The following LHFPL6 variants were observed in gnomAD, a reference collection of about 807,000 sequenced individuals.
The protein encoded by LHFPL6 is LHFPL tetraspan subfamily member 6.
A neutral mutation model predicts 20.6 loss-of-function variants in LHFPL6; 9 were observed. That is an observed-to-expected ratio of 0.44 (90% CI 0.26 to 0.76). The LOEUF (loss-of-function observed/expected upper bound fraction) is 0.76. LHFPL6 is among the 30% of genes least tolerant of loss of function. The pLI is 0.20. For synonymous variants in LHFPL6, 105 were observed against 98.7 expected (o/e 1.06, Z -0.38); for missense variants, 218 against 253.5 (o/e 0.86, Z 0.95).
At chr13:39,372,548 AAAGT>A (rs1366595829) in intron 3 of LHFPL6, among the ~76,000 whole-genome samples, 6 of 152,258 alleles carry the variant, frequency 3.9e-5, no homozygotes, top group African/African-American at 1.4e-4. Flanking sequence ...GCGTGATCCA[AAAGT>A]AAGCAGAGTA....
chr13:39,526,575 A>G (rs1445318661), intron 2 of LHFPL6, among the ~76,000 whole-genome samples: 1 of 152,358 alleles, frequency 6.6e-6, no homozygotes, highest in East Asian at 1.9e-4. Context: ...CCACCGGTCT[A>G]GTGCTCTGAT....
At chr13:39,520,642 C>T (rs965821115) in intron 2 of LHFPL6, among the ~76,000 whole-genome samples, 2 of 152,150 alleles carry the variant, frequency 1.3e-5, no homozygotes, top group Non-Finnish European at 2.9e-5. Context: ...GAGTCTTTGA[C>T]GCTGGTAGAG....
chr13:39,583,702 A>C (rs901287626), intron 2 of LHFPL6, among the ~76,000 whole-genome samples: 1 of 152,082 alleles, frequency 6.6e-6, no homozygotes, highest in African/African-American at 2.4e-5. Context: ...TAAATGAACA[A>C]ATTTCTCATG....
intron 2 of LHFPL6, among the ~76,000 whole-genome samples, chr13:39,557,747 T>C (rs1279527295): frequency 6.6e-6 from 1 of 152,250 alleles, no homozygotes; most frequent in Non-Finnish European, 1.5e-5. Context: ...TGTCGGATAG[T>C]AACACTTGAT....
chr13:39,523,442 G>A lies in LHFPL6; in HGVS notation c.385+77390C>T, dbSNP rs558971859. Among the ~76,000 whole-genome samples the A allele has an allele frequency of 4.6e-5, 7 of 152,120 alleles. No individual in the cohort carries two copies. The South Asian group carries it at 6.2e-4, about 14-fold the overall frequency. On this transcript the variant is annotated intron_variant, in intron 2 of 3. Transcript: ENST00000379589. ...AAATTAACCGGGCGAGGTGGCGGGC[G>A]CCTGTAGTCCCAGCTACTCGGGAGG...
intron 2 of LHFPL6, among the ~76,000 whole-genome samples, chr13:39,576,127 G>C (rs574238562): frequency 3.9e-4 from 59 of 152,238 alleles, no homozygotes; most frequent in Non-Finnish European, 6.9e-4. Flanking sequence ...TTCCATTTGG[G>C]ACTTGTTCCT....
intron 2 of LHFPL6, among the ~76,000 whole-genome samples, chr13:39,496,735 G>A (rs1461020909): frequency 6.6e-6 from 1 of 152,136 alleles, no homozygotes; most frequent in Non-Finnish European, 1.5e-5. Context: ...TAGTGAAAAG[G>A]CTAATTACAT....
chr13:39,378,135 G>A (rs1870341707), intron 3 of LHFPL6, among the ~76,000 whole-genome samples: 1 of 152,126 alleles, frequency 6.6e-6, no homozygotes, highest in Non-Finnish European at 1.5e-5. Context: ...CCCATGCAAT[G>A]GGTAAAAAAT....
chr13:39,390,765 C>T (rs1442391907), intron 2 of LHFPL6, among the ~76,000 whole-genome samples: 4 of 152,158 alleles, frequency 2.6e-5, no homozygotes, highest in South Asian at 2.1e-4. Flanking sequence ...GAGGCCGAGA[C>T]GGGCGGATTG....
chr13:39,399,938 AC>A (rs1870944400), intron 2 of LHFPL6, among the ~76,000 whole-genome samples: 1 of 152,154 alleles, frequency 6.6e-6, no homozygotes, highest in Non-Finnish European at 1.5e-5. Context: ...TACTAAAAAC[AC>A]AAAGTTAGCC....
chr13:39,459,575 A>G (rs1167114222), intron 2 of LHFPL6, among the ~76,000 whole-genome samples: 4 of 152,116 alleles, frequency 2.6e-5, no homozygotes, highest in Non-Finnish European at 4.4e-5. Context: ...CTATCCTCCA[A>G]TATTAGTCCT....
chr13:39,574,990 G>C lies in LHFPL6; in HGVS notation c.385+25842C>G, dbSNP rs140741255. On this transcript the variant is annotated intron_variant, in intron 2 of 3. Coordinates refer to ENST00000379589, the MANE Select transcript of LHFPL6 (RefSeq NM_005780.3). ...GGTGGCTGAGGCATGAGAATCACTT[G>C]AATCTGGGAGGCAGAGGTTGCAGTG... Among the ~76,000 whole-genome samples, 397 of 152,140 alleles carry C rather than the reference G, an allele frequency of 2.6e-3. 2 individuals are homozygous for C. The highest frequency in any genetic ancestry group is 8.5e-3 in the African/African-American group (352 of 41,508).
In LHFPL6 at chr13:39,596,428, A is replaced by G. The variant is rs529824925; in HGVS notation, c.385+4404T>C. On this transcript the variant is annotated intron_variant, in intron 2 of 3. Coordinates refer to ENST00000379589, the MANE Select transcript of LHFPL6 (RefSeq NM_005780.3). ...TCTCTGAACCAGCAGCAGCAGCATCACCTGAAAACATGTTAGACGTGCAAA... is the reference window on the plus strand; with the variant it reads ...TCTCTGAACCAGCAGCAGCAGCATCGCCTGAAAACATGTTAGACGTGCAAA... Among the ~76,000 whole-genome samples, 146 of 152,300 alleles carry G rather than the reference A, an allele frequency of 9.6e-4. 1 individual carries two copies. The highest frequency in any genetic ancestry group is 3.4e-3 in the African/African-American group (141 of 41,564).
At chr13:39,546,466 G>A (rs1482067736) in intron 2 of LHFPL6, among the ~76,000 whole-genome samples, 1 of 152,136 alleles carries the variant, frequency 6.6e-6, no homozygotes, top group Non-Finnish European at 1.5e-5. Context: ...TTGTTCTCAA[G>A]TTTTGGTATC....
At chr13:39,527,322 C>T (rs1222824367) in intron 2 of LHFPL6, among the ~76,000 whole-genome samples, 1 of 152,138 alleles carries the variant, frequency 6.6e-6, no homozygotes, top group African/African-American at 2.4e-5. Flanking sequence ...CATGTGTCAC[C>T]TAAGGTGATG....
intron 3 of LHFPL6, among the ~76,000 whole-genome samples, chr13:39,346,161 G>A (rs1328525254): frequency 6.6e-6 from 1 of 152,154 alleles, no homozygotes; most frequent in African/African-American, 2.4e-5. Flanking sequence ...TGCCCCAGGC[G>A]CAGATAAAAA....
At chr13:39,517,699 A>G (rs1869972549) in intron 2 of LHFPL6, among the ~76,000 whole-genome samples, 1 of 151,958 alleles carries the variant, frequency 6.6e-6, no homozygotes, top group African/African-American at 2.4e-5. Flanking sequence ...TATTATTATA[A>G]TTTTTTAAAA....
intron 2 of LHFPL6, among the ~76,000 whole-genome samples, chr13:39,595,173 A>C (rs1566150539): frequency 6.6e-6 from 1 of 152,160 alleles, no homozygotes; most frequent in Non-Finnish European, 1.5e-5. Flanking sequence ...AAACATATAA[A>C]ATTTTGTGTT....
chr13:39,539,870 G>T (rs1458851832), intron 2 of LHFPL6, among the ~76,000 whole-genome samples: 1 of 152,182 alleles, frequency 6.6e-6, no homozygotes, highest in East Asian at 1.9e-4. Flanking sequence ...ACCTATAATA[G>T]AAAGCTTTCA....
Sources: allele counts gnomAD v4.1 joint callset (sites outside exome capture counted in the v4.1 genomes callset), GRCh38; gene constraint gnomAD v4.1.1; transcripts MANE v1.5; gene names NCBI Gene and HGNC (gene_info 2026-07-23, HGNC 2026-07-21).